Variants in PARN observed in about 807,000 individuals in gnomAD.
The protein encoded by PARN is poly(A)-specific ribonuclease.
A neutral mutation model predicts 102.8 loss-of-function variants in PARN; 71 were observed. The ratio of observed to expected loss-of-function variants is 0.69; its 90% confidence interval spans 0.57 to 0.84. The LOEUF (loss-of-function observed/expected upper bound fraction) is 0.84, where lower values mean the gene tolerates loss of function less well. Ranked by LOEUF, PARN falls within the 40% of genes least tolerant of loss-of-function variation. The pLI, the probability that PARN is intolerant of heterozygous loss-of-function variation, is 0.00. For synonymous variants in PARN, 261 were observed against 252.9 expected, an observed-to-expected ratio of 1.03 and a Z score of -0.30; for missense variants, 782 against 760.9, an observed-to-expected ratio of 1.03 and a Z score of -0.33.
intron 6 of PARN, among the ~76,000 whole-genome samples, chr16:14,612,368 C>T (rs1205311896): frequency 6.6e-6 from 1 of 151,798 alleles, no homozygotes; most frequent in Non-Finnish European, 1.5e-5. Context: ...ACACAGGAGG[C>T]AGAGGTTACA....
chr16:14,609,549 C>A (rs1280448484), intron 7 of PARN, among the ~76,000 whole-genome samples: 1 of 151,980 alleles, frequency 6.6e-6, no homozygotes, highest in East Asian at 1.9e-4. Context: ...CCAGCCTTGG[C>A]AACAGAACGA....
chr16:14,491,755 G>C (rs1336585536), intron 21 of PARN, among the ~76,000 whole-genome samples: 2 of 152,036 alleles, frequency 1.3e-5, no homozygotes, highest in East Asian at 3.8e-4. Flanking sequence ...CTGCGCAAGA[G>C]AGTAAGACCC....
intron 18 of PARN, among the ~76,000 whole-genome samples, chr16:14,564,104 C>CTA (rs1297481813): frequency 6.6e-6 from 1 of 152,112 alleles, no homozygotes; most frequent in Admixed American, 6.5e-5. Context: ...TTCTCTCTCT[C>CTA]CCACGTGGCT....
chr16:14,587,526 G>T (rs1969933542), intron 13 of PARN, among the ~76,000 whole-genome samples: 1 of 152,036 alleles, frequency 6.6e-6, no homozygotes, highest in Non-Finnish European at 1.5e-5. Flanking sequence ...TCAAGTCAGG[G>T]TCTCACTATG....
intron 21 of PARN, among the ~76,000 whole-genome samples, chr16:14,548,035 G>A (rs1366359857): frequency 6.6e-6 from 1 of 152,038 alleles, no homozygotes; most frequent in African/African-American, 2.4e-5. Flanking sequence ...ACAAGGTCAG[G>A]CATTCGAGAC....
chr16:14,615,088 C>T lies in PARN; in HGVS notation c.388+2502G>A, dbSNP rs191371669. ...AGAGAAGACTGCCGTAAAGAAAGGG[C>T]CTGACATTTACAGAGCCTGAATGGA... On this transcript the variant is annotated intron_variant, in intron 6 of 23. Transcript: ENST00000437198. Among the ~76,000 whole-genome samples the T allele has an allele frequency of 3.3e-4, 50 of 151,988 alleles. No homozygotes were observed. In the Middle Eastern group the frequency reaches 0.01, roughly 31 times the overall value.
chr16:14,474,801 GA>G (rs1158638583), intron 22 of PARN, among the ~76,000 whole-genome samples: 2 of 152,150 alleles, frequency 1.3e-5, no homozygotes, highest in Non-Finnish European at 2.9e-5. Context: ...TTTTCAGTAG[GA>G]AGACAGAAAA....
Position 14,610,728 on chromosome 16 carries a change from C to A in PARN, c.470G>T (p.Gly157Val), listed in dbSNP as rs750612864. Residue 157 changes from glycine to valine, a missense_variant, in exon 7 of 24, where the codon GGA becomes GTA. Physicochemically the swap from Gly to Val is moderately radical, Grantham distance 109 (BLOSUM62 -3). Transcript: ENST00000437198. Reference protein sequence around the residue: ...DEKRSQANGAGALSYVSPNTS... With the variant: ...DEKRSQANGAVALSYVSPNTS... ...GTTAGGAGATACATAGGACAGAGCT[C>A]CTGCACCATTCGCCTGTGAACGTTT... The A allele has an allele frequency of 1.9e-6, 3 of 1,606,638 alleles. No homozygotes were observed. Among genetic ancestry groups the A allele is most frequent in the African/African-American group, 2.7e-5 (2 of 74,888 alleles).
intron 11 of PARN, among the ~76,000 whole-genome samples, chr16:14,600,668 C>G (rs768746821): frequency 6.6e-6 from 1 of 152,094 alleles, no homozygotes; most frequent in Non-Finnish European, 1.5e-5. Context: ...AAGTGGCTCA[C>G]GCCTGTAATC....
intron 18 of PARN, among the ~76,000 whole-genome samples, chr16:14,561,850 A>G (rs918932192): frequency 1.3e-5 from 2 of 152,222 alleles, no homozygotes; most frequent in African/African-American, 4.8e-5. Context: ...TAAATAAAAT[A>G]CGTAGAAAAA....
rs66483121 is a variant in PARN at position 14,617,382 on chromosome 16, CA to C, written c.388+207del. Among the ~76,000 whole-genome samples the C allele has an allele frequency of 0.52, 47,770 of 91,930 alleles. 9,444 individuals are homozygous for C. The highest frequency in any genetic ancestry group is 0.65 in the Middle Eastern group (130 of 200). The allele number at this position is 91,930 out of a possible 152,430, so 60.3% of individuals were successfully genotyped here. On this transcript the variant is annotated intron_variant, in intron 6 of 23. Transcript: ENST00000437198. ...CTGGGCAACAGAGCGAGACTCTTCT[CA>C]AAAAAAAAAAAAAAAAAAAAATCAC...
chr16:14,544,020 C>T (rs1171934098), intron 21 of PARN, among the ~76,000 whole-genome samples: 1 of 152,156 alleles, frequency 6.6e-6, no homozygotes, highest in Non-Finnish European at 1.5e-5. Flanking sequence ...GATGGAGAAA[C>T]CGTCTCTACT....
chr16:14,505,242 A>G (rs1964828932), intron 21 of PARN, among the ~76,000 whole-genome samples: 1 of 152,278 alleles, frequency 6.6e-6, no homozygotes, highest in Admixed American at 6.5e-5. Flanking sequence ...ATAGGACACT[A>G]AAGCCAGAAA....
chr16:14,571,675 G>A (rs1342271868), intron 18 of PARN, among the ~76,000 whole-genome samples: 1 of 152,186 alleles, frequency 6.6e-6, no homozygotes, highest in African/African-American at 2.4e-5. Flanking sequence ...AGCAGTGACA[G>A]CAGTGAGAAG....
At chr16:14,453,868 A>G (rs921750996) in intron 22 of PARN, among the ~76,000 whole-genome samples, 1 of 152,224 alleles carries the variant, frequency 6.6e-6, no homozygotes, top group Non-Finnish European at 1.5e-5. Context: ...TAATGCTGGT[A>G]TAAACATCTG....
chr16:14,453,394 A>G lies in PARN; in HGVS notation c.1671-6313T>C, dbSNP rs76652253. Among the ~76,000 whole-genome samples, 95 of 152,326 alleles carry G rather than the reference A, an allele frequency of 6.2e-4. No homozygotes were observed. The East Asian group carries it at 9.8e-3, about 16-fold the overall frequency. On this transcript the variant is annotated intron_variant, in intron 22 of 23. Coordinates refer to ENST00000437198, the MANE Select transcript of PARN (RefSeq NM_002582.4). Reference sequence around the variant, plus strand: ...CAAACCCCTACAAATACCTTTTTCCATGAAGCAATAACAAAAATCTAGCTG... The same window carrying G: ...CAAACCCCTACAAATACCTTTTTCCGTGAAGCAATAACAAAAATCTAGCTG...
At chr16:14,483,596 T>C (rs768268189) in intron 21 of PARN, among the ~76,000 whole-genome samples, 2 of 152,142 alleles carry the variant, frequency 1.3e-5, no homozygotes, top group Admixed American at 6.5e-5. Context: ...TTAAACAAAT[T>C]TGTACACCCA....
At chr16:14,489,261 T>C (rs1272923982) in intron 21 of PARN, among the ~76,000 whole-genome samples, 1 of 152,036 alleles carries the variant, frequency 6.6e-6, no homozygotes, top group Non-Finnish European at 1.5e-5. Context: ...AATTCTTTGG[T>C]TGAGTGGTGG....
intron 22 of PARN, among the ~76,000 whole-genome samples, chr16:14,474,551 G>T (rs1596473480): frequency 6.6e-6 from 1 of 152,158 alleles, no homozygotes; most frequent in East Asian, 1.9e-4. Flanking sequence ...AAAGCATTTG[G>T]AATTTAAGAG....
Sources: gnomAD v4.1 joint callset for allele counts (sites outside exome capture counted in the v4.1 genomes callset) on GRCh38, gnomAD v4.1.1 for gene constraint, MANE v1.5 for transcripts, NCBI Gene and HGNC (gene_info 2026-07-23, HGNC 2026-07-21) for gene names.